H2BN1: variants seen among roughly 807,000 people sequenced by gnomAD.
H2BN1 encodes the protein H2B.N variant histone 1.
chr17:32,904,154 C>T, the H2BN1 span, among the ~76,000 whole-genome samples: 1 of 152,168 alleles, frequency 6.6e-6, no homozygotes, highest in African/African-American at 2.4e-5. Flanking sequence ...CCCACAAGGC[C>T]CCCGGTCACC....
chr17:32,899,180 T>C, the H2BN1 span, among the ~76,000 whole-genome samples: 21 of 152,256 alleles, frequency 1.4e-4, no homozygotes, highest in African/African-American at 4.8e-4. Flanking sequence ...TGTTTTATTA[T>C]ACTTGGCCTG....
chr17:32,904,411 GC>G, the H2BN1 span, among the ~76,000 whole-genome samples: 1 of 152,120 alleles, frequency 6.6e-6, no homozygotes, highest in Non-Finnish European at 1.5e-5. Context: ...ACAGCCAAGG[GC>G]ATTTCCTGTA....
the H2BN1 span, among the ~76,000 whole-genome samples, chr17:32,898,111 T>C: frequency 6.6e-6 from 1 of 151,722 alleles, no homozygotes; most frequent in Non-Finnish European, 1.5e-5. Context: ...ACCCCAAAAA[T>C]CTGAGATAGG....
the H2BN1 span, among the ~76,000 whole-genome samples, chr17:32,897,336 T>C: frequency 1.2e-4 from 14 of 117,590 alleles, no homozygotes; most frequent in African/African-American, 2.1e-4. Flanking sequence ...CCTTCTTCCC[T>C]CCCTCCCCTC....
chr17:32,898,718 C>T, the H2BN1 span, among the ~76,000 whole-genome samples: 1 of 152,054 alleles, frequency 6.6e-6, no homozygotes, highest in Non-Finnish European at 1.5e-5. Flanking sequence ...TGTGAAGTCT[C>T]ATGTCCTATG....
At chr17:32,901,933 A>C in the H2BN1 span, among the ~76,000 whole-genome samples, 1 of 152,234 alleles carries the variant, frequency 6.6e-6, no homozygotes, top group South Asian at 2.1e-4. Flanking sequence ...CAACTTGATC[A>C]TATAAAACTT....
At chr17:32,902,896 A>G in the H2BN1 span, among the ~76,000 whole-genome samples, 1 of 152,108 alleles carries the variant, frequency 6.6e-6, no homozygotes, top group African/African-American at 2.4e-5. Context: ...GGCTGTGTTT[A>G]TAGTTTTGTA....
chr17:32,904,637 A>G, the H2BN1 span, among the ~76,000 whole-genome samples: 100,187 of 152,080 alleles, frequency 0.66, 34,461 homozygotes, highest in African/African-American at 0.87. Flanking sequence ...AGGGGTGACT[A>G]GAACCTTTGT....
chr17:32,896,353 G>T, the H2BN1 span, among the ~76,000 whole-genome samples: 4 of 152,184 alleles, frequency 2.6e-5, no homozygotes, highest in Non-Finnish European at 5.9e-5. Context: ...CTTAGGAGGG[G>T]TAGGCACCCT....
the H2BN1 span, among the ~76,000 whole-genome samples, chr17:32,897,358 T>TACACACACACACACACAC: frequency 4.9e-4 from 61 of 124,054 alleles, no homozygotes; most frequent in African/African-American, 1.3e-3. Flanking sequence ...CTCTCTGTCT[T>TACACACACACACACACAC]ACACACACAC....
the H2BN1 span, among the ~76,000 whole-genome samples, chr17:32,897,569 T>G: frequency 6.6e-6 from 1 of 152,174 alleles, no homozygotes; most frequent in Non-Finnish European, 1.5e-5. Context: ...CAACATGTGA[T>G]ACAGGGCCTG....
chr17:32,903,993 C>G, the H2BN1 span, among the ~76,000 whole-genome samples: 1 of 152,184 alleles, frequency 6.6e-6, no homozygotes, highest in Non-Finnish European at 1.5e-5. Flanking sequence ...GTTTCTCTCT[C>G]CAGAGGTCTA....
the H2BN1 span, among the ~76,000 whole-genome samples, chr17:32,900,669 T>C: frequency 2.6e-5 from 4 of 151,848 alleles, no homozygotes; most frequent in Non-Finnish European, 5.9e-5. Context: ...GCAAGCTGCG[T>C]CTCTGGGGTT....
the H2BN1 span, among the ~76,000 whole-genome samples, chr17:32,902,571 T>G: frequency 6.6e-6 from 1 of 152,352 alleles, no homozygotes; most frequent in Admixed American, 6.5e-5. Flanking sequence ...CTGGGTGCAG[T>G]GGCTCACGCC....
the H2BN1 span, among the ~76,000 whole-genome samples, chr17:32,901,460 T>A: frequency 6.6e-6 from 1 of 152,296 alleles, no homozygotes; most frequent in South Asian, 2.1e-4. Context: ...TCCCTGGGCC[T>A]TGAGGAGTTG....
the H2BN1 span, among the ~76,000 whole-genome samples, chr17:32,895,474 C>A: frequency 1.3e-5 from 2 of 152,110 alleles, no homozygotes; most frequent in East Asian, 1.9e-4. Flanking sequence ...TCCCTAAGAA[C>A]AAGACTGAGC....
At chr17:32,900,812 A>G in the H2BN1 span, among the ~76,000 whole-genome samples, 1 of 152,134 alleles carries the variant, frequency 6.6e-6, no homozygotes, top group East Asian at 1.9e-4. Flanking sequence ...CGATCTCCTG[A>G]CATCATGATC....
the H2BN1 span, among the ~76,000 whole-genome samples, chr17:32,899,408 C>T: frequency 6.6e-6 from 1 of 152,200 alleles, no homozygotes; most frequent in Admixed American, 6.5e-5. Flanking sequence ...CAGAAAGTGA[C>T]ATTCTTTACT....
Sources: allele counts gnomAD v4.1 joint callset (sites outside exome capture counted in the v4.1 genomes callset), GRCh38; gene constraint gnomAD v4.1.1; transcripts MANE v1.5; gene names NCBI Gene and HGNC (gene_info 2026-07-23, HGNC 2026-07-21).